The following SEMA5A variants were observed in gnomAD, a reference collection of about 807,000 sequenced individuals.
The protein encoded by SEMA5A is semaphorin 5A.
A neutral mutation model predicts 135.5 loss-of-function variants in SEMA5A; 55 were observed. The observed-to-expected ratio is 0.41, with a 90% CI of 0.33 to 0.51. SEMA5A has a LOEUF of 0.51. Among genes scored for constraint, SEMA5A ranks in the 20% least tolerant of loss-of-function variants. SEMA5A has a pLI of 0.37. For synonymous variants in SEMA5A, 580 were observed against 546.5 expected, an observed-to-expected ratio of 1.06 and a Z score of -0.85; for missense variants, 1,290 against 1,419.9, an observed-to-expected ratio of 0.91 and a Z score of 1.47.
At chr5:9,303,909 G>C (rs1215372374) in intron 5 of SEMA5A, among the ~76,000 whole-genome samples, 1 of 151,952 alleles carries the variant, frequency 6.6e-6, no homozygotes, top group Admixed American at 6.6e-5. Context: ...CATACAGAAG[G>C]GAAACAATGA....
chr5:9,400,460 T>C (rs1756604008), intron 2 of SEMA5A, among the ~76,000 whole-genome samples: 1 of 151,284 alleles, frequency 6.6e-6, no homozygotes, highest in African/African-American at 2.4e-5. Context: ...AAAAAAAATG[T>C]AAAATTGACA....
chr5:9,396,311 A>G (rs914343958), intron 2 of SEMA5A, among the ~76,000 whole-genome samples: 1 of 151,414 alleles, frequency 6.6e-6, no homozygotes, highest in Non-Finnish European at 1.5e-5. Context: ...TTATTTATCT[A>G]CTTTGCCTAG....
At chr5:9,432,906 T>G (rs1757906197) in intron 2 of SEMA5A, among the ~76,000 whole-genome samples, 1 of 152,210 alleles carries the variant, frequency 6.6e-6, no homozygotes, top group Non-Finnish European at 1.5e-5. Flanking sequence ...TTCTATAAAA[T>G]TTTTTAAAAA....
At chr5:9,138,408 T>C (rs1362575242) in intron 12 of SEMA5A, among the ~76,000 whole-genome samples, 3 of 152,192 alleles carry the variant, frequency 2.0e-5, no homozygotes, top group Non-Finnish European at 4.4e-5. Context: ...TATATAATAA[T>C]GATATGCAAT....
chr5:9,078,992 TA>T (rs1475758205), intron 16 of SEMA5A, among the ~76,000 whole-genome samples: 1 of 151,970 alleles, frequency 6.6e-6, no homozygotes, highest in Non-Finnish European at 1.5e-5. Context: ...TTGAGAAATA[TA>T]AAAAATATAA....
At position 9,247,278 on chromosome 5, in the gene SEMA5A, T is replaced by C. The variant is rs1805994; in HGVS notation, c.271-9388A>G. Among the ~76,000 whole-genome samples the C allele has an allele frequency of 1.0e-2, 1,519 of 152,314 alleles. 30 individuals are homozygous for C. Among genetic ancestry groups the C allele is most frequent in the African/African-American group, 0.035 (1,464 of 41,580 alleles). Reference sequence around the variant, plus strand: ...GTAAAGCCACCTATATTGGCATCATTGGTTTGAGTCCTATTATTGTGTATT... The same window carrying C: ...GTAAAGCCACCTATATTGGCATCATCGGTTTGAGTCCTATTATTGTGTATT... On this transcript the variant is annotated intron_variant, in intron 5 of 22. Transcript: ENST00000382496.
chr5:9,143,726 G>A (rs1742184069), intron 12 of SEMA5A, among the ~76,000 whole-genome samples: 1 of 152,176 alleles, frequency 6.6e-6, no homozygotes, highest in African/African-American at 2.4e-5. Flanking sequence ...GATTAACTTG[G>A]TTTGCCAGCT....
chr5:9,106,543 C>A (rs1224569629), intron 16 of SEMA5A, among the ~76,000 whole-genome samples: 1 of 152,120 alleles, frequency 6.6e-6, no homozygotes, highest in African/African-American at 2.4e-5. Context: ...GGTGTGAGAT[C>A]AACCCAGATC....
intron 11 of SEMA5A, among the ~76,000 whole-genome samples, chr5:9,159,216 A>T (rs1291966025): frequency 6.6e-6 from 1 of 152,244 alleles, no homozygotes; most frequent in Non-Finnish European, 1.5e-5. Context: ...TGAACTGGTT[A>T]GACATGAAAT....
chr5:9,178,699 TA>T (rs891045214), intron 11 of SEMA5A, among the ~76,000 whole-genome samples: 1 of 152,192 alleles, frequency 6.6e-6, no homozygotes, highest in Admixed American at 6.5e-5. Flanking sequence ...GTAATGATTG[TA>T]AAATATGTTT....
At chr5:9,499,092 A>T (rs1269776869) in intron 1 of SEMA5A, among the ~76,000 whole-genome samples, 1 of 152,188 alleles carries the variant, frequency 6.6e-6, no homozygotes, top group East Asian at 1.9e-4. Flanking sequence ...CATGAGAAGG[A>T]GGCTTGTGCT....
chr5:9,071,198 C>A (rs886508215), intron 16 of SEMA5A, among the ~76,000 whole-genome samples: 1 of 152,188 alleles, frequency 6.6e-6, no homozygotes, highest in Non-Finnish European at 1.5e-5. Flanking sequence ...TAAAAGCACT[C>A]ATTTAAATGT....
Position 9,122,770 on chromosome 5 carries a change from T to A in SEMA5A, c.1667A>T (p.Asp556Val). Residue 556 changes from aspartate to valine, a missense_variant, in exon 14 of 23, where the codon GAT becomes GTT. By Grantham distance (152) the Asp-to-Val change is radical. Around this residue, in one of 3 missense-constraint regions of SEMA5A, gnomAD observed 1,029 missense variants for 1,086.6 expected, o/e 0.95. Transcript: ENST00000382496. ...WSPWTPCTHT[D>V]GSAVGSCLCR... ...GAGGCAGGATCCCACGGCGCTGCCA[T>A]CTGTGTGCGTGCAAGGCGTCCACGG... The A allele has an allele frequency of 6.2e-7, 1 of 1,613,352 alleles. No homozygotes were observed. Among genetic ancestry groups the A allele is most frequent in the Non-Finnish European group, 8.5e-7 (1 of 1,179,776 alleles).
rs764629787 is a variant in SEMA5A at position 9,226,850 on chromosome 5, G to T, written c.432+19C>A. 1.9e-6 allele frequency: 3 copies of T among 1,580,784 alleles called. No homozygotes were observed. The highest frequency in any genetic ancestry group is 1.1e-5 in the South Asian group (1 of 89,002). On this transcript the variant is annotated intron_variant, in intron 7 of 22. Coordinates refer to ENST00000382496, the MANE Select transcript of SEMA5A (RefSeq NM_003966.3). ...TCTTCTGATATTAAATTCTTTTGAG[G>T]CACAAAAAGAAGCCATACCGAGCGG...
chr5:9,096,329 A>G (rs7724468), intron 16 of SEMA5A, among the ~76,000 whole-genome samples: 41,634 of 152,006 alleles, frequency 0.27, 5,910 homozygotes, highest in Non-Finnish European at 0.31. Flanking sequence ...TATTTGACCT[A>G]TATCTCCTCA....
At chr5:9,268,883 A>T (rs770383309) in intron 5 of SEMA5A, among the ~76,000 whole-genome samples, 3 of 152,176 alleles carry the variant, frequency 2.0e-5, no homozygotes, top group Non-Finnish European at 2.9e-5. Flanking sequence ...TGTTTTAAAC[A>T]TACTAATTTA....
At chr5:9,372,826 A>C (rs1755198738) in intron 3 of SEMA5A, among the ~76,000 whole-genome samples, 1 of 152,210 alleles carries the variant, frequency 6.6e-6, no homozygotes. Flanking sequence ...TAGCACAGAA[A>C]CATCTCCTTC....
chr5:9,276,277 G>T (rs1695601545), intron 5 of SEMA5A, among the ~76,000 whole-genome samples: 2 of 152,138 alleles, frequency 1.3e-5, no homozygotes, highest in African/African-American at 4.8e-5. Context: ...TCTTCAAGGG[G>T]AACAACAAAC....
At chr5:9,227,006 T>G in intron 6 of SEMA5A, 39 bp from the exon 7 acceptor site, 2 of 1,018,234 alleles carry the variant, frequency 2.0e-6, no homozygotes, top group Non-Finnish European at 2.6e-6. Flanking sequence ...AATATATATA[T>G]ATATGTATAA....
Sources: gnomAD v4.1 joint callset for allele counts (sites outside exome capture counted in the v4.1 genomes callset) on GRCh38, gnomAD v4.1.1 for gene constraint, gnomAD v4.1.1 regional missense constraint, MANE v1.5 for transcripts, NCBI Gene and HGNC (gene_info 2026-07-23, HGNC 2026-07-21) for gene names.